The following SPANXN4 variants were observed in gnomAD, a reference collection of about 807,000 sequenced individuals.
SPANXN4 encodes the protein sperm protein associated with the nucleus on the X chromosome N4.
Under a neutral mutation model 6.0 loss-of-function variants are expected in SPANXN4, and 5 were observed. The observed-to-expected ratio is 0.83, with a 90% confidence interval of 0.44 to 1.75. SPANXN4 has a LOEUF of 1.75. Ranked by LOEUF, SPANXN4 falls within the 40% of genes most tolerant of loss-of-function variation. SPANXN4 has a pLI of 0.02. For synonymous variants in SPANXN4, 45 were observed against 38.0 expected, an observed-to-expected ratio of 1.19 and a Z score of -0.68; for missense variants, 157 against 108.6, an observed-to-expected ratio of 1.45 and a Z score of -1.98.
intron 1 of SPANXN4, among the ~76,000 whole-genome samples, chrX:143,030,494 G>A (rs1372096635): frequency 9.1e-6 from 1 of 110,360 alleles, no homozygotes; most frequent in African/African-American, 3.3e-5. Flanking sequence ...CCTCGATGAG[G>A]GCCTGTCTGA....
intron 1 of SPANXN4, among the ~76,000 whole-genome samples, chrX:143,033,615 G>A (rs1336998807): frequency 9.0e-6 from 1 of 111,544 alleles, no homozygotes; most frequent in Non-Finnish European, 1.9e-5. Context: ...CTTATGATCA[G>A]GTGGTTTGAC....
chrX:143,025,944 G>C (rs907462777), exon 1 of SPANXN4: 11 of 1,059,989 alleles, frequency 1.0e-5, no homozygotes, highest in Non-Finnish European at 1.4e-5. Context: ...CCACTGGAAA[G>C]CTTCAATACA....
chrX:143,026,490 C>T (rs768360398), intron 1 of SPANXN4, among the ~76,000 whole-genome samples: 1 of 111,629 alleles, frequency 9.0e-6, no homozygotes, highest in Admixed American at 9.5e-5. Context: ...TGGAATGTTT[C>T]ACTTTGACCA....
chrX:143,027,725 G>T (rs572990889), intron 1 of SPANXN4, among the ~76,000 whole-genome samples: 16 of 111,021 alleles, frequency 1.4e-4, no homozygotes, highest in African/African-American at 5.2e-4. Flanking sequence ...TTTAACAGTT[G>T]GAAGAAAGAC....
chrX:143,026,968 C>G (rs1480597773), intron 1 of SPANXN4, among the ~76,000 whole-genome samples: 2 of 111,653 alleles, frequency 1.8e-5, no homozygotes, highest in Non-Finnish European at 3.8e-5. Context: ...ACAGAAGCTA[C>G]TAAAGGAAAC....
chrX:143,026,884 C>A (rs902023462), intron 1 of SPANXN4, among the ~76,000 whole-genome samples: 1 of 112,041 alleles, frequency 8.9e-6, no homozygotes, highest in Non-Finnish European at 1.9e-5. Flanking sequence ...GTGCTGAGTG[C>A]AGCAGAGATG....
chrX:143,026,479 G>A (rs191900050), intron 1 of SPANXN4, among the ~76,000 whole-genome samples: 4 of 111,745 alleles, frequency 3.6e-5, no homozygotes, highest in East Asian at 5.7e-4. Context: ...CAGAACTCCC[G>A]TGGAATGTTT....
At chrX:143,026,347 G>C (rs780352251) in intron 1 of SPANXN4, among the ~76,000 whole-genome samples, 1 of 111,466 alleles carries the variant, frequency 9.0e-6, no homozygotes, top group Non-Finnish European at 1.9e-5. Context: ...CCTTTTTCTG[G>C]TGGGATGTCA....
intron 1 of SPANXN4, among the ~76,000 whole-genome samples, chrX:143,029,552 G>A (rs759312274): frequency 9.0e-6 from 1 of 111,372 alleles, no homozygotes; most frequent in South Asian, 3.8e-4. Flanking sequence ...CCGCAAAGGA[G>A]CTTTTGAAAT....
At chrX:143,027,768 T>G (rs1932786638) in intron 1 of SPANXN4, among the ~76,000 whole-genome samples, 1 of 108,976 alleles carries the variant, frequency 9.2e-6, no homozygotes, top group African/African-American at 3.4e-5. Context: ...AGAGGCAATG[T>G]GTTAGGCTGA....
chrX:143,027,329 C>T lies in SPANXN4; in HGVS notation c.78+1237C>T, dbSNP rs111862917. Among the ~76,000 whole-genome samples the T allele has an allele frequency of 7.2e-3, 798 of 111,369 alleles. 8 individuals are homozygous for T. Among genetic ancestry groups the T allele is most frequent in the African/African-American group, 0.025 (767 of 30,602 alleles). On this transcript the variant is annotated intron_variant, in intron 1 of 2. Coordinates refer to ENST00000370504, the Ensembl canonical transcript of SPANXN4. ...GGGTTTTTGTAACTAATAGTCATTG[C>T]GGTCCTGATATGGCAGAAGGATATA...
At chrX:143,028,718 G>A (rs1932791827) in intron 1 of SPANXN4, among the ~76,000 whole-genome samples, 1 of 111,156 alleles carries the variant, frequency 9.0e-6, no homozygotes, top group African/African-American at 3.3e-5. Flanking sequence ...GGAATCATTT[G>A]TTGGGAGGCA....
At chrX:143,034,124 A>G (rs1440067598) in exon 2 of SPANXN4, 5 of 1,179,596 alleles carry the variant, frequency 4.2e-6, no homozygotes. Context: ...CAGGAAGAAT[A>G]AGAAAAGAAA....
chrX:143,033,899 G>T (rs1932826647), intron 1 of SPANXN4, 126 bp from the exon 2 acceptor site: 1 of 586,215 alleles, frequency 1.7e-6, no homozygotes, highest in South Asian at 3.1e-5. Context: ...ATTCCACCTT[G>T]CTCTTCTCTG....
At chrX:143,037,850 G>A (rs1378109138), downstream of SPANXN4, among the ~76,000 whole-genome samples, 9 of 110,944 alleles carry the variant, frequency 8.1e-5, no homozygotes, top group African/African-American at 2.0e-4. Context: ...TGTGAAGAAG[G>A]TGCCTTGCTT....
downstream of SPANXN4, among the ~76,000 whole-genome samples, chrX:143,035,558 C>T (rs946522536): frequency 3.6e-5 from 4 of 110,609 alleles, no homozygotes; most frequent in Non-Finnish European, 7.6e-5. Flanking sequence ...CTTAGGATTA[C>T]ATTTTCTTTC....
At chrX:143,027,291 G>A (rs775844458) in intron 1 of SPANXN4, among the ~76,000 whole-genome samples, 2 of 112,152 alleles carry the variant, frequency 1.8e-5, no homozygotes, top group East Asian at 5.7e-4. Context: ...GTTTTGGAGA[G>A]AGAGAGATAA....
At chrX:143,031,973 G>T (rs1231059041) in intron 1 of SPANXN4, among the ~76,000 whole-genome samples, 1 of 111,916 alleles carries the variant, frequency 8.9e-6, no homozygotes, top group African/African-American at 3.3e-5. Flanking sequence ...GTCTGCAGAA[G>T]TTGCCTGATA....
At chrX:143,028,455 G>T (rs767494888) in intron 1 of SPANXN4, among the ~76,000 whole-genome samples, 9 of 110,971 alleles carry the variant, frequency 8.1e-5, no homozygotes, top group African/African-American at 1.6e-4. Context: ...TTGTTTGTTT[G>T]TTTTTTAATT....
Sources: allele counts gnomAD v4.1 joint callset (sites outside exome capture counted in the v4.1 genomes callset), GRCh38; gene constraint gnomAD v4.1.1; transcripts MANE v1.5; gene names NCBI Gene and HGNC (gene_info 2026-07-23, HGNC 2026-07-21).